The following LRRTM3 variants were observed in gnomAD, a reference collection of about 807,000 sequenced individuals.
LRRTM3 encodes the protein leucine-rich repeat transmembrane neuronal protein 3.
In LRRTM3, 24 loss-of-function variants were observed where a neutral mutation model predicts 44.7. The ratio of observed to expected loss-of-function variants is 0.54; its 90% CI spans 0.39 to 0.76. LRRTM3 has a LOEUF of 0.76. Ranked by LOEUF, LRRTM3 falls within the 30% of genes least tolerant of loss-of-function variation. LRRTM3 has a pLI of 0.00. For synonymous variants in LRRTM3, 277 were observed against 278.7 expected (o/e 0.99, Z 0.06); for missense variants, 587 against 702.2 (o/e 0.84, Z 1.85).
chr10:66,985,177 T>C (rs1380225611), intron 2 of LRRTM3, among the ~76,000 whole-genome samples: 1 of 152,128 alleles, frequency 6.6e-6, no homozygotes, highest in Non-Finnish European at 1.5e-5. Context: ...CCTTTATCAG[T>C]CATGGGTGAG....
Position 66,926,792 on chromosome 10 carries a change from A to C in LRRTM3, c.5-129A>C, listed in dbSNP as rs902323751. The C allele has an allele frequency of 7.2e-6, 7 of 969,558 alleles. No homozygotes were observed. In the African/African-American group the frequency reaches 1.2e-4, roughly 16 times the overall value. The allele number at this position is 969,558 out of a possible 1,614,324, so 60.1% of individuals were successfully genotyped here. ...GACAATTCTCTTTAATTACAAAGAG[A>C]TAATATGTGATGTTAAGTGTTATTT... On this transcript the variant is annotated intron_variant, in intron 1 of 2. Transcript: ENST00000361320.
chr10:67,097,636 C>CA lies in LRRTM3; in HGVS notation c.1588dup (p.Ile530AsnfsTer9). ...ACCTTTCTGGCATACGACCAGCCCACAATAAGTTACTGTGGGGTGCATCAT... is the reference window on the plus strand; with the variant it reads ...ACCTTTCTGGCATACGACCAGCCCACAAATAAGTTACTGTGGGGTGCATCAT... On this transcript the variant is annotated frameshift_variant, in exon 3 of 3. Transcript: ENST00000361320. LOFTEE classifies it high-confidence loss of function. 1 of 1,612,644 alleles carries CA rather than the reference C, an allele frequency of 6.2e-7. No individual in the cohort carries two copies. Among genetic ancestry groups the CA allele is most frequent in the Non-Finnish European group, 8.5e-7 (1 of 1,178,996 alleles).
At chr10:67,024,778 T>C (rs1273852407) in intron 2 of LRRTM3, among the ~76,000 whole-genome samples, 1 of 152,194 alleles carries the variant, frequency 6.6e-6, no homozygotes, top group Non-Finnish European at 1.5e-5. Context: ...TTGATGTTGC[T>C]TTAAATATTT....
chr10:67,056,377 G>C lies in LRRTM3; in HGVS notation c.1537-41210G>C, dbSNP rs910480149. Among the ~76,000 whole-genome samples the C allele has an allele frequency of 9.9e-5, 15 of 152,228 alleles. No homozygotes were observed. In the South Asian group the frequency reaches 3.1e-3, roughly 32 times the overall value. On this transcript the variant is annotated intron_variant, in intron 2 of 2. Transcript: ENST00000361320. ...GTCATTGTTAGTCTTCCCAATGTAGGACTGGATTACAGGAATGCTCGTACT... is the reference window on the plus strand; with the variant it reads ...GTCATTGTTAGTCTTCCCAATGTAGCACTGGATTACAGGAATGCTCGTACT...
At chr10:66,940,092 T>C (rs1159672725) in intron 2 of LRRTM3, among the ~76,000 whole-genome samples, 2 of 152,180 alleles carry the variant, frequency 1.3e-5, no homozygotes, top group African/African-American at 2.4e-5. Flanking sequence ...CTTTCAGTAC[T>C]GGAATCTGCT....
chr10:66,957,378 GTGTGTATA>G, intron 2 of LRRTM3, among the ~76,000 whole-genome samples: 2 of 83,050 alleles, frequency 2.4e-5, no homozygotes, highest in Non-Finnish European at 4.8e-5. Flanking sequence ...CAGAATATGT[GTGTGTATA>G]TATATACATA....
At chr10:66,926,859 G>T in intron 1 of LRRTM3, 62 bp from the exon 2 acceptor site, 10 of 1,410,572 alleles carry the variant, frequency 7.1e-6, no homozygotes, top group Non-Finnish European at 9.5e-6. Flanking sequence ...GCCTATTTTT[G>T]CTTGATTAAG....
intron 2 of LRRTM3, among the ~76,000 whole-genome samples, chr10:66,984,290 C>T (rs901883942): frequency 3.3e-5 from 5 of 152,112 alleles, no homozygotes; most frequent in African/African-American, 1.2e-4. Context: ...AGTTGATAAA[C>T]TGGCTAAAGG....
At chr10:67,007,909 G>C (rs1852100714) in intron 2 of LRRTM3, among the ~76,000 whole-genome samples, 1 of 151,930 alleles carries the variant, frequency 6.6e-6, no homozygotes, top group African/African-American at 2.4e-5. Flanking sequence ...AGGCCAACAG[G>C]TAATGTGGAT....
chr10:66,943,095 C>T (rs1712504496), intron 2 of LRRTM3, among the ~76,000 whole-genome samples: 2 of 152,154 alleles, frequency 1.3e-5, no homozygotes, highest in South Asian at 2.1e-4. Context: ...AAATTTACTT[C>T]ACAAAGCATT....
At chr10:67,028,922 A>T (rs1853556560) in intron 2 of LRRTM3, among the ~76,000 whole-genome samples, 1 of 152,042 alleles carries the variant, frequency 6.6e-6, no homozygotes, top group Admixed American at 6.6e-5. Context: ...ATAAGGCAAA[A>T]CTCAACTTTT....
chr10:66,971,256 T>C (rs1849705255), intron 2 of LRRTM3, among the ~76,000 whole-genome samples: 1 of 151,872 alleles, frequency 6.6e-6, no homozygotes, highest in African/African-American at 2.4e-5. Flanking sequence ...TGAAACCCCG[T>C]CTCTACTAAA....
chr10:67,003,619 C>A (rs1017460998), intron 2 of LRRTM3, among the ~76,000 whole-genome samples: 2 of 152,176 alleles, frequency 1.3e-5, no homozygotes, highest in African/African-American at 2.4e-5. Context: ...ACTTACTTAA[C>A]CATGAAACCT....
intron 2 of LRRTM3, among the ~76,000 whole-genome samples, chr10:67,028,010 A>G (rs1247508812): frequency 6.6e-6 from 1 of 152,182 alleles, no homozygotes. Context: ...GGTAGCTGGT[A>G]TTAACTGTAT....
At chr10:66,949,080 AT>A (rs1202567913) in intron 2 of LRRTM3, among the ~76,000 whole-genome samples, 1 of 152,222 alleles carries the variant, frequency 6.6e-6, no homozygotes, top group African/African-American at 2.4e-5. Context: ...ATTAGCAAAA[AT>A]TTATAATCTG....
At position 67,097,935 on chromosome 10, in the gene LRRTM3, T is replaced by A; in HGVS notation, c.*139T>A. The A allele has an allele frequency of 2.9e-6, 2 of 698,700 alleles. No individual in the cohort carries two copies. The allele number at this position is 698,700 out of a possible 1,614,324, so 43.3% of individuals were successfully genotyped here. A position where few individuals can be genotyped will look rare whatever the true frequency, so the allele number is the denominator to read the frequency against. ...TTCAAATAAACAAAAAATCCAAGATTGATTCATGAAATAAAGAAGACATGA... is the reference window on the plus strand; with the variant it reads ...TTCAAATAAACAAAAAATCCAAGATAGATTCATGAAATAAAGAAGACATGA... On this transcript the variant is annotated 3_prime_UTR_variant, in exon 3 of 3. Transcript: ENST00000361320.
At chr10:66,974,910 A>G (rs951670514) in intron 2 of LRRTM3, among the ~76,000 whole-genome samples, 5 of 151,858 alleles carry the variant, frequency 3.3e-5, no homozygotes, top group Non-Finnish European at 5.9e-5. Context: ...ATTTTTTTTA[A>G]GGAGAAAAAA....
intron 2 of LRRTM3, among the ~76,000 whole-genome samples, chr10:67,054,064 CACTT>C (rs1211092627): frequency 6.6e-6 from 1 of 152,144 alleles, no homozygotes; most frequent in Non-Finnish European, 1.5e-5. Flanking sequence ...AGATTACAGA[CACTT>C]AGTATTTACC....
intron 2 of LRRTM3, among the ~76,000 whole-genome samples, chr10:66,973,566 TA>T (rs1849848460): frequency 6.6e-6 from 1 of 152,220 alleles, no homozygotes; most frequent in Non-Finnish European, 1.5e-5. Flanking sequence ...TAGCAATATA[TA>T]ATTTATTTTT....
Sources: allele counts gnomAD v4.1 joint callset (sites outside exome capture counted in the v4.1 genomes callset), GRCh38; gene constraint gnomAD v4.1.1; transcripts MANE v1.5; gene names NCBI Gene and HGNC (gene_info 2026-07-23, HGNC 2026-07-21).